Variants in MPPED1 observed in about 807,000 individuals in gnomAD.
MPPED1 encodes metallophosphoesterase domain-containing protein 1.
In MPPED1, 16 loss-of-function variants were observed where a neutral mutation model predicts 36.2. That is an observed-to-expected ratio of 0.44 (90% CI 0.30 to 0.67). The LOEUF is 0.67. MPPED1 is among the 30% of genes least tolerant of loss of function. MPPED1 has a pLI of 0.10. For synonymous variants in MPPED1, 199 were observed against 191.3 expected (o/e 1.04, Z -0.33); for missense variants, 307 against 453.4 (o/e 0.68, Z 2.93).
chr22:43,457,374 T>C, intron 3 of MPPED1, among the ~76,000 whole-genome samples: 1 of 152,194 alleles, frequency 6.6e-6, no homozygotes, highest in East Asian at 1.9e-4. Flanking sequence ...TTTTCATTCT[T>C]TTACTTTCAA....
intron 4 of MPPED1, among the ~76,000 whole-genome samples, chr22:43,480,476 A>G (rs148042777): frequency 1.3e-5 from 2 of 152,138 alleles, no homozygotes; most frequent in African/African-American, 4.8e-5. Flanking sequence ...ATCTCTTCCC[A>G]TGTTGATTGG....
chr22:43,471,063 G>T (rs997442333), intron 3 of MPPED1, among the ~76,000 whole-genome samples: 1 of 152,262 alleles, frequency 6.6e-6, no homozygotes, highest in Non-Finnish European at 1.5e-5. Context: ...GTCATCAGCT[G>T]CTGAGGTGAG....
At chr22:43,472,471 C>T (rs1323901555) in intron 3 of MPPED1, among the ~76,000 whole-genome samples, 2 of 152,294 alleles carry the variant, frequency 1.3e-5, no homozygotes, top group South Asian at 2.1e-4. Context: ...AGTCGTACAG[C>T]GGGTTGGTGG....
intron 4 of MPPED1, among the ~76,000 whole-genome samples, chr22:43,488,928 T>C (rs1382217694): frequency 1.3e-5 from 2 of 152,174 alleles, no homozygotes; most frequent in Non-Finnish European, 2.9e-5. Context: ...AGGCACTGGG[T>C]TGTGTTGGCA....
intron 4 of MPPED1, among the ~76,000 whole-genome samples, chr22:43,493,833 C>G (rs1932175330): frequency 1.3e-5 from 2 of 152,102 alleles, no homozygotes; most frequent in South Asian, 4.1e-4. Context: ...GAAGGTCGTC[C>G]CAGGGCAGCA....
intron 6 of MPPED1, among the ~76,000 whole-genome samples, chr22:43,504,767 T>C (rs1177054180): frequency 6.6e-6 from 1 of 151,664 alleles, no homozygotes; most frequent in African/African-American, 2.4e-5. Context: ...GTGGTAGTGA[T>C]GATGATGGCA....
intron 4 of MPPED1, among the ~76,000 whole-genome samples, chr22:43,495,981 T>C (rs1932318290): frequency 1.5e-5 from 2 of 131,542 alleles, no homozygotes; most frequent in Non-Finnish European, 3.3e-5. Context: ...ATGGTGGTGG[T>C]GGAGATGGTG....
chr22:43,447,348 T>A (rs1158967581), intron 3 of MPPED1, among the ~76,000 whole-genome samples: 1 of 152,172 alleles, frequency 6.6e-6, no homozygotes, highest in African/African-American at 2.4e-5. Flanking sequence ...AATGTCATTT[T>A]CATACAGGAT....
At chr22:43,432,521 GGA>G (rs1328852487) in intron 2 of MPPED1, among the ~76,000 whole-genome samples, 6 of 114,086 alleles carry the variant, frequency 5.3e-5, no homozygotes, top group African/African-American at 2.0e-4. Flanking sequence ...GAGAAAGGGA[GGA>G]GAGAGATAAA....
intron 4 of MPPED1, among the ~76,000 whole-genome samples, chr22:43,490,302 G>A (rs1932042958): frequency 6.6e-6 from 1 of 152,226 alleles, no homozygotes. Flanking sequence ...CAGACCCGCT[G>A]CCCTGTTGAG....
intron 3 of MPPED1, among the ~76,000 whole-genome samples, chr22:43,436,016 A>G (rs2146835327): frequency 6.6e-6 from 1 of 152,352 alleles, no homozygotes; most frequent in South Asian, 2.1e-4. Context: ...AGATGTGAGC[A>G]GCTGCTGGTC....
In MPPED1 at chr22:43,478,226, G is replaced by A. The variant is rs542429336; in HGVS notation, c.632+3265G>A. On this transcript the variant is annotated intron_variant, in intron 4 of 6. Transcript: ENST00000443721. ...AACGTATCCCGTGTGGCAGGCCTCC[G>A]TTCTCAGAACAGCCTTTGGGTGCAT... 5.9e-5 allele frequency among the ~76,000 whole-genome samples: 9 copies of A among 152,320 alleles called. 1 individual carries two copies. In the East Asian group the frequency reaches 7.7e-4, roughly 13 times the overall value.
chr22:43,451,774 C>T (rs1930576428), intron 3 of MPPED1, among the ~76,000 whole-genome samples: 1 of 152,238 alleles, frequency 6.6e-6, no homozygotes, highest in South Asian at 2.1e-4. Context: ...GGCACTGCTC[C>T]TGTGGTCAAG....
In MPPED1 at chr22:43,447,883, A is replaced by ATATATTTT. The variant is rs1321289636; in HGVS notation, c.406+12669_406+12670insATATTTTT. On this transcript the variant is annotated intron_variant, in intron 3 of 6. Coordinates refer to ENST00000443721, the MANE Select transcript of MPPED1 (RefSeq NM_001044370.2). ...ATTATATATATATATATATATATATATTTTTTTTTTTTTTAGACAAAGTCT... is the reference window on the plus strand; with the variant it reads ...ATTATATATATATATATATATATATATATATTTTTTTTTTTTTTTTTTAGACAAAGTCT... 8.6e-4 allele frequency among the ~76,000 whole-genome samples: 58 copies of ATATATTTT among 67,708 alleles called. 1 individual carries two copies. The highest frequency in any genetic ancestry group is 2.4e-3 in the South Asian group (5 of 2,060). The allele number at this position is 67,708 out of a possible 152,430, so 44.4% of individuals were successfully genotyped here. A position where few individuals can be genotyped will look rare whatever the true frequency, so the allele number is the denominator to read the frequency against.
Position 43,424,965 on chromosome 22 carries a change from CGGG to C in MPPED1, c.-19_-17del, listed in dbSNP as rs778794554. 11 of 1,559,798 alleles carry C rather than the reference CGGG, an allele frequency of 7.1e-6. No individual in the cohort carries two copies. In the South Asian group the frequency reaches 1.3e-4, roughly 18 times the overall value. On this transcript the variant is annotated 5_prime_UTR_variant, in exon 2 of 7. Transcript: ENST00000443721. Reference sequence around the variant, plus strand: ...CGGTGGCGGCAGCGGTGGGAGATGCCGGGGCGGCCGGCGGAGGTCCATGTGGCG... The same window carrying C: ...CGGTGGCGGCAGCGGTGGGAGATGCCGCGGCCGGCGGAGGTCCATGTGGCG...
At chr22:43,481,965 C>T (rs573238111) in intron 4 of MPPED1, among the ~76,000 whole-genome samples, 2 of 152,182 alleles carry the variant, frequency 1.3e-5, no homozygotes, top group Non-Finnish European at 2.9e-5. Flanking sequence ...GTTTGTGCTG[C>T]CCCCTCCCAG....
At chr22:43,482,399 C>T (rs1236526820) in intron 4 of MPPED1, among the ~76,000 whole-genome samples, 2 of 152,132 alleles carry the variant, frequency 1.3e-5, no homozygotes, top group African/African-American at 2.4e-5. Context: ...GTTTCACTGT[C>T]TCCCGGCAGG....
chr22:43,472,846 C>A (rs1334196432), intron 3 of MPPED1, among the ~76,000 whole-genome samples: 1 of 152,150 alleles, frequency 6.6e-6, no homozygotes. Context: ...AAGCTTATAA[C>A]GGGGCACTGG....
At chr22:43,424,205 G>A (rs1013313479) in intron 1 of MPPED1, among the ~76,000 whole-genome samples, 1 of 152,170 alleles carries the variant, frequency 6.6e-6, no homozygotes, top group Non-Finnish European at 1.5e-5. Context: ...CGAGAGAGAT[G>A]GTAGTGAGGC....
Sources: gnomAD v4.1 joint callset for allele counts (sites outside exome capture counted in the v4.1 genomes callset) on GRCh38, gnomAD v4.1.1 for gene constraint, MANE v1.5 for transcripts, NCBI Gene and HGNC (gene_info 2026-07-23, HGNC 2026-07-21) for gene names.